Variants in MALRD1 observed in about 807,000 individuals in gnomAD.
MALRD1 encodes the protein MAM and LDL-receptor class A domain-containing protein 1.
MALRD1 carries 247 observed loss-of-function variants against 242.1 expected under a neutral mutation model. The ratio of observed to expected loss-of-function variants is 1.02; its 90% CI spans 0.92 to 1.13. MALRD1 has a LOEUF of 1.13. Ranked by LOEUF, MALRD1 falls within the 50% of genes most tolerant of loss-of-function variation. The pLI is 0.00. For missense variants in MALRD1, 2,989 were observed against 2,533.1 expected (o/e 1.18, Z -3.86); for synonymous variants, 995 against 866.6 (o/e 1.15, Z -2.60).
At chr10:19,623,938 GA>G in intron 36 of MALRD1, among the ~76,000 whole-genome samples, 1 of 151,852 alleles carries the variant, frequency 6.6e-6, no homozygotes, top group South Asian at 2.1e-4. Context: ...ATAAATATAT[GA>G]AAAAAAGATT....
At chr10:19,173,228 C>T (rs1232906271) in intron 13 of MALRD1, among the ~76,000 whole-genome samples, 1 of 151,892 alleles carries the variant, frequency 6.6e-6, no homozygotes, top group African/African-American at 2.4e-5. Context: ...TAATATTATA[C>T]TATAATATTT....
At chr10:19,574,409 T>C (rs188982151) in intron 33 of MALRD1, among the ~76,000 whole-genome samples, 6 of 152,316 alleles carry the variant, frequency 3.9e-5, no homozygotes, top group Admixed American at 3.9e-4. Flanking sequence ...ATTTATATGT[T>C]ATATGGCACC....
chr10:19,387,639 G>A lies in MALRD1; in HGVS notation c.4553G>A (p.Gly1518Asp). The A allele has an allele frequency of 1.3e-6, 2 of 1,550,404 alleles. No homozygotes were observed. The highest frequency in any genetic ancestry group is 1.7e-6 in the Non-Finnish European group (2 of 1,146,898). ...GATAATACTGATGAAAATGAGTGTG[G>A]TAGCTCCTGTACTTTTGAAAAAGGC... ...CGDNTDENEC[G>D]SSCTFEKGWC... is the part of the protein sequence containing the mutation. The change falls in exon 27 of 40, where the codon GGT (glycine) becomes GAT (aspartate). Residue 1518 changes from glycine to aspartate, a missense_variant. Physicochemically the swap from Gly to Asp is moderately conservative, Grantham distance 94. Coordinates refer to ENST00000454679, the MANE Select transcript of MALRD1 (RefSeq NM_001142308.3).
chr10:19,714,474 T>A (rs917342978), intron 38 of MALRD1, among the ~76,000 whole-genome samples: 4 of 152,130 alleles, frequency 2.6e-5, no homozygotes, highest in African/African-American at 9.7e-5. Flanking sequence ...TGCTAGGGTC[T>A]CGGGGTTTTT....
At chr10:19,395,408 G>A (rs1846531675) in intron 28 of MALRD1, among the ~76,000 whole-genome samples, 1 of 152,138 alleles carries the variant, frequency 6.6e-6, no homozygotes, top group African/African-American at 2.4e-5. Context: ...GAAGCAAAGG[G>A]GGAACTACTC....
Position 19,352,308 on chromosome 10 carries a change from ATC to A in MALRD1, c.4441+13_4441+14del. On this transcript the variant is annotated intron_variant, in intron 26 of 39. Transcript: ENST00000454679. Reference sequence around the variant, plus strand: ...TGCCTCTTCCAACAGGTACATTCTAATCTGTGTGTGTGTGTGGTATTTTTGCA... The same window carrying A: ...TGCCTCTTCCAACAGGTACATTCTAATGTGTGTGTGTGTGGTATTTTTGCA... 2 of 1,413,550 alleles carry A rather than the reference ATC, an allele frequency of 1.4e-6. No homozygotes were observed. The highest frequency in any genetic ancestry group is 1.8e-6 in the Non-Finnish European group (2 of 1,083,744). The allele number at this position is 1,413,550 out of a possible 1,614,324, so 87.6% of individuals were successfully genotyped here. A position where few individuals can be genotyped will look rare whatever the true frequency, so the allele number is the denominator to read the frequency against.
At chr10:19,248,627 A>G (rs1216188199) in intron 18 of MALRD1, among the ~76,000 whole-genome samples, 5 of 151,930 alleles carry the variant, frequency 3.3e-5, no homozygotes, top group Non-Finnish European at 7.4e-5. Context: ...GGTGAAAGTA[A>G]AAATTTGAAG....
intron 7 of MALRD1, among the ~76,000 whole-genome samples, chr10:19,125,315 TTCC>T (rs1564407855): frequency 2.2e-4 from 14 of 64,384 alleles, no homozygotes; most frequent in African/African-American, 9.1e-4. Flanking sequence ...CCTTCCTTCC[TTCC>T]TTCCTTCTTT....
In MALRD1 at chr10:19,391,214, T is replaced by C. The variant is rs1846322182; in HGVS notation, c.4845+1605T>C. 2.0e-5 allele frequency among the ~76,000 whole-genome samples: 3 copies of C among 152,266 alleles called. No individual in the cohort carries two copies. The South Asian group carries it at 6.2e-4, about 32-fold the overall frequency. On this transcript the variant is annotated intron_variant, in intron 28 of 39. Coordinates refer to ENST00000454679, the MANE Select transcript of MALRD1 (RefSeq NM_001142308.3). ...TTAACAGCATTTTAAAAAGCCTGTC[T>C]TCCTACTGTGCACACACACAAACAT...
chr10:19,575,342 A>T (rs1469522311), intron 33 of MALRD1, among the ~76,000 whole-genome samples: 3 of 152,164 alleles, frequency 2.0e-5, no homozygotes, highest in Non-Finnish European at 4.4e-5. Flanking sequence ...TGCATGTGAC[A>T]TCACTGAAGG....
At chr10:19,163,409 C>G (rs1183403266) in intron 12 of MALRD1, among the ~76,000 whole-genome samples, 1 of 150,486 alleles carries the variant, frequency 6.6e-6, no homozygotes, top group African/African-American at 2.5e-5. Context: ...GAAAAGGAAA[C>G]CAAATACCGC....
intron 29 of MALRD1, among the ~76,000 whole-genome samples, chr10:19,485,572 G>A (rs926656855): frequency 6.6e-6 from 1 of 151,820 alleles, no homozygotes; most frequent in Non-Finnish European, 1.5e-5. Context: ...GAACCAAGGA[G>A]GCGGACCTTG....
intron 21 of MALRD1, among the ~76,000 whole-genome samples, chr10:19,312,416 G>A (rs1052498888): frequency 1.8e-4 from 26 of 147,536 alleles, no homozygotes; most frequent in Non-Finnish European, 3.0e-4. Flanking sequence ...ATATGTGTGT[G>A]TGTGTGTGTG....
At chr10:19,380,649 T>A (rs1845797435) in intron 26 of MALRD1, among the ~76,000 whole-genome samples, 1 of 152,108 alleles carries the variant, frequency 6.6e-6, no homozygotes, top group Admixed American at 6.5e-5. Flanking sequence ...TTTAAAGTAA[T>A]TTAATATATT....
At chr10:19,444,220 TCTCCTCAATA>T (rs774106247) in intron 28 of MALRD1, among the ~76,000 whole-genome samples, 23 of 152,120 alleles carry the variant, frequency 1.5e-4, no homozygotes, top group Non-Finnish European at 3.4e-4. Context: ...ATAAGATGGG[TCTCCTCAATA>T]CAGCACACTG....
chr10:19,446,285 C>G (rs181327608), intron 28 of MALRD1, among the ~76,000 whole-genome samples: 44 of 152,210 alleles, frequency 2.9e-4, no homozygotes, highest in Middle Eastern at 3.4e-3. Flanking sequence ...GTGGGCTGCA[C>G]CCACTGTCCA....
At chr10:19,361,253 G>A (rs997655050) in intron 26 of MALRD1, among the ~76,000 whole-genome samples, 2 of 152,120 alleles carry the variant, frequency 1.3e-5, no homozygotes, top group African/African-American at 4.8e-5. Context: ...CAATTAAACA[G>A]AAGAGGCATT....
chr10:19,428,643 C>T (rs1322134540), intron 28 of MALRD1, among the ~76,000 whole-genome samples: 1 of 151,934 alleles, frequency 6.6e-6, no homozygotes, highest in African/African-American at 2.4e-5. Flanking sequence ...AAAGTTCACA[C>T]ACCCCTATCC....
intron 36 of MALRD1, among the ~76,000 whole-genome samples, chr10:19,690,815 A>G (rs1406627416): frequency 6.6e-6 from 1 of 152,036 alleles, no homozygotes; most frequent in African/African-American, 2.4e-5. Context: ...AATGATAGGT[A>G]GGTAGATAGA....
Sources: gnomAD v4.1 joint callset for allele counts (sites outside exome capture counted in the v4.1 genomes callset) on GRCh38, gnomAD v4.1.1 for gene constraint, MANE v1.5 for transcripts, NCBI Gene and HGNC (gene_info 2026-07-23, HGNC 2026-07-21) for gene names.